CDH12: variants seen among roughly 807,000 people sequenced by gnomAD.
The protein encoded by CDH12 is cadherin 12.
A neutral mutation model predicts 74.1 loss-of-function variants in CDH12; 41 were observed. That is an observed-to-expected ratio of 0.55 (90% CI 0.43 to 0.72). CDH12 has a LOEUF of 0.72. CDH12 is among the 30% of genes least tolerant of loss of function. CDH12 has a pLI of 0.00. For synonymous variants in CDH12, 399 were observed against 355.0 expected (o/e 1.12, Z -1.39); for missense variants, 945 against 977.2 (o/e 0.97, Z 0.44).
intron 1 of CDH12, among the ~76,000 whole-genome samples, chr5:22,515,473 A>G (rs550368436): frequency 6.6e-6 from 1 of 152,132 alleles, no homozygotes; most frequent in Non-Finnish European, 1.5e-5. Flanking sequence ...AATGAATGTG[A>G]TATTTTAAAT....
At chr5:22,229,645 C>T (rs974452866) in intron 3 of CDH12, among the ~76,000 whole-genome samples, 1 of 151,966 alleles carries the variant, frequency 6.6e-6, no homozygotes, top group Non-Finnish European at 1.5e-5. Context: ...CTTTCGAGTA[C>T]TTTTCTCCAA....
chr5:21,845,871 C>A (rs545028893), intron 7 of CDH12, among the ~76,000 whole-genome samples: 1 of 151,966 alleles, frequency 6.6e-6, no homozygotes, highest in African/African-American at 2.4e-5. Flanking sequence ...TAAAAAGCAG[C>A]GCCAAATTAT....
intron 1 of CDH12, among the ~76,000 whole-genome samples, chr5:22,813,732 C>CA (rs1308588095): frequency 1.3e-5 from 2 of 151,750 alleles, no homozygotes; most frequent in African/African-American, 4.8e-5. Flanking sequence ...TGCTCAACTG[C>CA]AAAAAAACTA....
In CDH12 at chr5:22,649,778, A is replaced by G. The variant is rs897074167; in HGVS notation, c.-522-144414T>C. 4.6e-5 allele frequency among the ~76,000 whole-genome samples: 7 copies of G among 152,064 alleles called. 1 individual carries two copies. Among genetic ancestry groups the G allele is most frequent in the Admixed American group, 3.3e-4 (5 of 15,218 alleles). On this transcript the variant is annotated intron_variant, in intron 1 of 14. Coordinates refer to ENST00000382254, the MANE Select transcript of CDH12 (RefSeq NM_004061.5). ...CTTTTTTGCATGAGCTAGTAAATCT[A>G]AAGGGGAATCATATGATAAAATCCA...
Position 22,067,973 on chromosome 5 carries a change from G to A in CDH12, c.231+10473C>T, listed in dbSNP as rs540078654. 2.6e-5 allele frequency among the ~76,000 whole-genome samples: 4 copies of A among 151,890 alleles called. No homozygotes were observed. In the South Asian group the frequency reaches 6.2e-4, roughly 24 times the overall value. On this transcript the variant is annotated intron_variant, in intron 5 of 14. Coordinates refer to ENST00000382254, the MANE Select transcript of CDH12 (RefSeq NM_004061.5). Reference sequence around the variant, plus strand: ...AGCCTGGGTGACAGAGTGAGACTCTGTCTCAAAATAAATAAATAAATACAT... The same window carrying A: ...AGCCTGGGTGACAGAGTGAGACTCTATCTCAAAATAAATAAATAAATACAT...
At chr5:22,567,891 C>T (rs745494037) in intron 1 of CDH12, among the ~76,000 whole-genome samples, 57 of 152,164 alleles carry the variant, frequency 3.7e-4, no homozygotes, top group Non-Finnish European at 6.0e-4. Flanking sequence ...CATATTTTGA[C>T]TTATTTTTGC....
intron 1 of CDH12, among the ~76,000 whole-genome samples, chr5:22,729,292 T>C (rs541693881): frequency 1.3e-5 from 2 of 151,914 alleles, no homozygotes; most frequent in East Asian, 3.9e-4. Context: ...TTCCTTCTTA[T>C]CTGTTCGATG....
chr5:22,790,541 A>G (rs1485429878), intron 1 of CDH12, among the ~76,000 whole-genome samples: 1 of 152,094 alleles, frequency 6.6e-6, no homozygotes, highest in African/African-American at 2.4e-5. Flanking sequence ...CCTTTGACAC[A>G]TGTGGAATAA....
chr5:22,145,117 A>C (rs532959770), intron 4 of CDH12, among the ~76,000 whole-genome samples: 15 of 152,224 alleles, frequency 9.9e-5, no homozygotes, highest in Non-Finnish European at 2.1e-4. Context: ...GGAACATAGA[A>C]ACTTGAATCC....
At chr5:22,011,035 A>G (rs1737265011) in intron 5 of CDH12, among the ~76,000 whole-genome samples, 1 of 152,128 alleles carries the variant, frequency 6.6e-6, no homozygotes, top group South Asian at 2.1e-4. Context: ...TTTTTAGTGT[A>G]GGATTTGCAA....
At chr5:22,769,343 G>A (rs1308615280) in intron 1 of CDH12, among the ~76,000 whole-genome samples, 4 of 152,062 alleles carry the variant, frequency 2.6e-5, no homozygotes, top group East Asian at 1.9e-4. Context: ...ATCTTTCTCC[G>A]TCCTGTGCTG....
intron 6 of CDH12, chr5:21,889,707 C>G (rs1752809263): frequency 1.0e-6 from 1 of 982,620 alleles, no homozygotes; most frequent in African/African-American, 1.8e-5. Flanking sequence ...CTTCTGCATT[C>G]TAGACATCTC....
At chr5:22,319,280 G>C (rs1327025544) in intron 3 of CDH12, among the ~76,000 whole-genome samples, 1 of 152,162 alleles carries the variant, frequency 6.6e-6, no homozygotes, top group Non-Finnish European at 1.5e-5. Context: ...GAAGAATAGA[G>C]TGCAGCAGAA....
At chr5:22,819,217 T>A (rs1044714203) in intron 1 of CDH12, among the ~76,000 whole-genome samples, 1 of 152,242 alleles carries the variant, frequency 6.6e-6, no homozygotes, top group Non-Finnish European at 1.5e-5. Context: ...GTCATAGGAC[T>A]AAAGGAACAG....
intron 9 of CDH12, among the ~76,000 whole-genome samples, chr5:21,813,511 A>C (rs1747869842): frequency 1.1e-5 from 1 of 94,016 alleles, no homozygotes; most frequent in Non-Finnish European, 2.4e-5. Flanking sequence ...AATAAATAAA[A>C]GAGTAAAAGT....
At chr5:21,989,082 T>C (rs1407681698) in intron 5 of CDH12, among the ~76,000 whole-genome samples, 1 of 151,884 alleles carries the variant, frequency 6.6e-6, no homozygotes, top group Non-Finnish European at 1.5e-5. Context: ...GGCTTAAGAA[T>C]TTTGATGAAG....
chr5:21,879,069 G>A lies in CDH12; in HGVS notation c.527-24279C>T, dbSNP rs558359454. Among the ~76,000 whole-genome samples, 9 of 152,024 alleles carry A rather than the reference G, an allele frequency of 5.9e-5. No homozygotes were observed. In the South Asian group the frequency reaches 1.5e-3, roughly 25 times the overall value. ...ATTTTGATGGATTTTTCCATTTTCC[G>A]TTCACATGCTATCAAATTTTTACTT... On this transcript the variant is annotated intron_variant, in intron 6 of 14. Coordinates refer to ENST00000382254, the MANE Select transcript of CDH12 (RefSeq NM_004061.5).
At chr5:22,279,857 A>G (rs1420225413) in intron 3 of CDH12, among the ~76,000 whole-genome samples, 1 of 152,182 alleles carries the variant, frequency 6.6e-6, no homozygotes, top group Admixed American at 6.5e-5. Context: ...GTGTCTTTAT[A>G]GCAGCATGAT....
chr5:21,797,511 G>T (rs1002842485), intron 10 of CDH12, among the ~76,000 whole-genome samples: 1 of 152,068 alleles, frequency 6.6e-6, no homozygotes, highest in Non-Finnish European at 1.5e-5. Context: ...CAGGTTTCAT[G>T]TTGATTCAAA....
Sources: allele counts gnomAD v4.1 joint callset (sites outside exome capture counted in the v4.1 genomes callset), GRCh38; gene constraint gnomAD v4.1.1; transcripts MANE v1.5; gene names NCBI Gene and HGNC (gene_info 2026-07-23, HGNC 2026-07-21).